Variants in ZSCAN25 observed in about 807,000 individuals in gnomAD.
The protein encoded by ZSCAN25 is zinc finger and SCAN domain-containing protein 25.
Under a neutral mutation model 38.7 loss-of-function variants are expected in ZSCAN25, and 27 were observed. The ratio of observed to expected loss-of-function variants is 0.70; its 90% CI spans 0.51 to 0.96. The LOEUF (loss-of-function observed/expected upper bound fraction) is 0.96, where lower values mean the gene tolerates loss of function less well. Among genes scored for constraint, ZSCAN25 ranks in the 40% least tolerant of loss-of-function variants. The probability of loss-of-function intolerance (pLI) is 0.00; values close to 1 mark genes in which losing one functional copy is unlikely to be tolerated. For missense variants in ZSCAN25, 637 were observed against 705.9 expected (o/e 0.90, Z 1.11); for synonymous variants, 273 against 277.7 (o/e 0.98, Z 0.17).
chr7:99,717,041 C>T, the ZSCAN25 span: 5 of 865,516 alleles, frequency 5.8e-6, no homozygotes, highest in Non-Finnish European at 7.6e-6. Flanking sequence ...CTTGGGAGAC[C>T]CATTGAAGTT....
the ZSCAN25 span, chr7:99,705,443 C>A: frequency 6.3e-7 from 1 of 1,575,806 alleles, no homozygotes; most frequent in Non-Finnish European, 8.7e-7. Flanking sequence ...AATTTGAGGT[C>A]TCTGGTGTTC....
the ZSCAN25 span, chr7:99,667,044 T>C: frequency 6.2e-7 from 1 of 1,613,986 alleles, no homozygotes; most frequent in African/African-American, 1.3e-5. Context: ...GCACTTTTCA[T>C]AAATCCCACT....
At chr7:99,720,215 G>T in the ZSCAN25 span, 935 of 1,471,610 alleles carry the variant, frequency 6.4e-4, 12 homozygotes, top group East Asian at 0.022. Flanking sequence ...GAACCTTCCT[G>T]CACAGTTTTT....
At chr7:99,637,741 GA>G in the ZSCAN25 span, among the ~76,000 whole-genome samples, 2 of 152,078 alleles carry the variant, frequency 1.3e-5, no homozygotes, top group Middle Eastern at 3.2e-3. Flanking sequence ...AGAAAGGGGG[GA>G]AAGGCCTTAA....
the ZSCAN25 span, among the ~76,000 whole-genome samples, chr7:99,712,145 G>A: frequency 6.6e-6 from 1 of 152,112 alleles, no homozygotes; most frequent in African/African-American, 2.4e-5. Context: ...ATCAGGACTG[G>A]ATTAGGACAT....
chr7:99,714,404 C>G, the ZSCAN25 span: 1 of 1,311,710 alleles, frequency 7.6e-7, no homozygotes, highest in East Asian at 2.7e-5. Flanking sequence ...TTTCTGCATT[C>G]CTACCAAATG....
chr7:99,690,285 A>G, the ZSCAN25 span, among the ~76,000 whole-genome samples: 72 of 152,372 alleles, frequency 4.7e-4, no homozygotes, highest in African/African-American at 1.5e-3. Context: ...CAACTTATAC[A>G]AAAATTAATT....
the ZSCAN25 span, among the ~76,000 whole-genome samples, chr7:99,706,176 C>A: frequency 6.6e-6 from 1 of 152,168 alleles, no homozygotes; most frequent in Non-Finnish European, 1.5e-5. Context: ...AGTGGGGAAC[C>A]TCTCAATTCC....
the ZSCAN25 span, chr7:99,699,872 C>T: frequency 1.2e-6 from 1 of 830,184 alleles, no homozygotes; most frequent in Non-Finnish European, 2.1e-6. Context: ...TTGAACATCT[C>T]TTTTGATCTT....
chr7:99,730,964 C>G, the ZSCAN25 span: 4 of 1,501,250 alleles, frequency 2.7e-6, no homozygotes, highest in South Asian at 3.5e-5. Context: ...TATAAAATCT[C>G]AGACCTTCCT....
At chr7:99,727,129 T>A in the ZSCAN25 span, among the ~76,000 whole-genome samples, 1 of 152,214 alleles carries the variant, frequency 6.6e-6, no homozygotes, top group Admixed American at 6.5e-5. Flanking sequence ...GTTCCCATAC[T>A]AGCTCTTCCT....
the ZSCAN25 span, chr7:99,660,437 T>G: frequency 5.9e-6 from 9 of 1,519,472 alleles, no homozygotes; most frequent in Non-Finnish European, 7.9e-6. Flanking sequence ...TGGGGAGTGG[T>G]GAGGAGGCAT....
the ZSCAN25 span, among the ~76,000 whole-genome samples, chr7:99,651,441 A>G: frequency 6.6e-6 from 1 of 152,134 alleles, no homozygotes; most frequent in Non-Finnish European, 1.5e-5. Flanking sequence ...GTGGTCTCTG[A>G]TTTCGTATTA....
the ZSCAN25 span, chr7:99,660,245 T>TTTTTTA: frequency 2.7e-6 from 2 of 738,716 alleles, no homozygotes; most frequent in Non-Finnish European, 3.3e-6. Context: ...TTTTTTTTTT[T>TTTTTTA]ACTTAGCATT....
At chr7:99,670,737 G>A in the ZSCAN25 span, among the ~76,000 whole-genome samples, 1 of 152,132 alleles carries the variant, frequency 6.6e-6, no homozygotes, top group Non-Finnish European at 1.5e-5. Context: ...ACTTACATTT[G>A]TGAGCTACTA....
chr7:99,709,332 C>T, the ZSCAN25 span: 1 of 1,560,294 alleles, frequency 6.4e-7, no homozygotes, highest in Non-Finnish European at 8.7e-7. Flanking sequence ...CCATGTAGTA[C>T]TGTTGAACTG....
the ZSCAN25 span, among the ~76,000 whole-genome samples, chr7:99,680,966 A>G: frequency 2.0e-5 from 3 of 152,230 alleles, no homozygotes; most frequent in African/African-American, 7.2e-5. Context: ...CTGTGCTCCC[A>G]GTACTTGGGT....
chr7:99,713,542 G>A, the ZSCAN25 span: 1 of 1,613,166 alleles, frequency 6.2e-7, no homozygotes, highest in African/African-American at 1.3e-5. Flanking sequence ...GGTGCTAGAA[G>A]CAAAAAGAGA....
At chr7:99,709,354 A>G in the ZSCAN25 span, 12 of 1,529,592 alleles carry the variant, frequency 7.8e-6, no homozygotes, top group Admixed American at 2.1e-4. Flanking sequence ...TAGAAGTTCC[A>G]GAGAACAACT....
Sources: gnomAD v4.1 joint callset for allele counts (sites outside exome capture counted in the v4.1 genomes callset) on GRCh38, gnomAD v4.1.1 for gene constraint, MANE v1.5 for transcripts, NCBI Gene and HGNC (gene_info 2026-07-23, HGNC 2026-07-21) for gene names.